POF1B: variants seen among roughly 807,000 people sequenced by gnomAD.
The protein encoded by POF1B is protein POF1B.
Under a neutral mutation model 55.3 loss-of-function variants are expected in POF1B, and 53 were observed. The ratio of observed to expected loss-of-function variants is 0.96; its 90% confidence interval spans 0.77 to 1.20. POF1B has a LOEUF of 1.20. Ranked by LOEUF, POF1B falls within the 50% of genes most tolerant of loss-of-function variation. The pLI is 0.00. For synonymous variants in POF1B, 188 were observed against 148.3 expected (o/e 1.27, Z -1.95); for missense variants, 478 against 420.5 (o/e 1.14, Z -1.20).
At chrX:85,372,790 T>TATATATATA (rs1221938023) in intron 2 of POF1B, among the ~76,000 whole-genome samples, 1 of 103,407 alleles carries the variant, frequency 9.7e-6, no homozygotes, top group African/African-American at 3.5e-5. Context: ...TATATATACT[T>TATATATATA]TAAGTTCTGG....
intron 12 of POF1B, 59 bp downstream of exon 12, chrX:85,306,122 C>A: frequency 9.4e-7 from 1 of 1,066,730 alleles, no homozygotes. Flanking sequence ...TTTCTAAATG[C>A]TAGGATTACA....
chrX:85,347,418 A>G (rs1933294748), intron 5 of POF1B, among the ~76,000 whole-genome samples: 2 of 111,230 alleles, frequency 1.8e-5, no homozygotes, highest in Admixed American at 9.6e-5. Flanking sequence ...TTCTGCTGTA[A>G]CATGTTTTAA....
chrX:85,340,507 A>G (rs1933151802), intron 6 of POF1B, among the ~76,000 whole-genome samples: 1 of 111,512 alleles, frequency 9.0e-6, no homozygotes, highest in Non-Finnish European at 1.9e-5. Context: ...CAGGTTAAAC[A>G]GTTTCAAGTG....
In POF1B at chrX:85,379,459, T is replaced by C. The variant is rs1465314309; in HGVS notation, c.-5A>G. 5.8e-6 allele frequency: 7 copies of C among 1,207,318 alleles called. No individual in the cohort carries two copies. The highest frequency in any genetic ancestry group is 7.8e-6 in the Non-Finnish European group (7 of 894,152). On this transcript the variant is annotated 5_prime_UTR_variant, in exon 2 of 17. Coordinates refer to ENST00000262753, the MANE Select transcript of POF1B (RefSeq NM_024921.4). ...ACTCCAATAGCTCGAGCTCATCTTC[T>C]TCCAGTGGTCAGCAAGGGACCTCCC...
In POF1B at chrX:85,314,518, A is replaced by G; in HGVS notation, c.883-12T>C. On this transcript the variant is annotated splice_polypyrimidine_tract_variant and intron_variant, in intron 8 of 16. Transcript: ENST00000262753. ...TCAATGTCTTCCGACTGTAAGAAAA[A>G]AAGGCTTATCCATGGAACAGATACA... 1 of 1,171,211 alleles carries G rather than the reference A, an allele frequency of 8.5e-7. No homozygotes were observed.
At chrX:85,332,627 C>T (rs1018648345) in intron 6 of POF1B, among the ~76,000 whole-genome samples, 2 of 110,968 alleles carry the variant, frequency 1.8e-5, no homozygotes, top group Non-Finnish European at 3.8e-5. Flanking sequence ...GAATTCAGAC[C>T]TTAAAAAACT....
chrX:85,336,150 C>G (rs1933070667), intron 6 of POF1B, among the ~76,000 whole-genome samples: 1 of 110,580 alleles, frequency 9.0e-6, no homozygotes, highest in South Asian at 3.8e-4. Flanking sequence ...CTATAATGTC[C>G]TCCTTTTCCA....
chrX:85,371,974 C>T (rs751284313), intron 2 of POF1B, among the ~76,000 whole-genome samples: 1 of 111,774 alleles, frequency 8.9e-6, no homozygotes, highest in African/African-American at 3.2e-5. Flanking sequence ...TTTGTTGAGT[C>T]GTTTATTCCT....
intron 14 of POF1B, among the ~76,000 whole-genome samples, chrX:85,304,019 C>G (rs1481841313): frequency 1.8e-5 from 2 of 111,084 alleles, no homozygotes; most frequent in Admixed American, 1.9e-4. Context: ...GAATATAACA[C>G]ATGCTTTAAT....
intron 2 of POF1B, among the ~76,000 whole-genome samples, chrX:85,372,773 C>CTATATATATATATATATATATATATATA (rs200507402): frequency 2.1e-5 from 2 of 96,747 alleles, no homozygotes; most frequent in African/African-American, 7.6e-5. Context: ...ATTATATATA[C>CTATATATATATATATATATATATATATA]TATATATATA....
At chrX:85,323,104 C>T (rs1932857088) in intron 7 of POF1B, among the ~76,000 whole-genome samples, 2 of 111,168 alleles carry the variant, frequency 1.8e-5, no homozygotes, top group Non-Finnish European at 3.8e-5. Context: ...GGTGTATACC[C>T]AAAGGACTAT....
intron 6 of POF1B, among the ~76,000 whole-genome samples, chrX:85,337,452 T>C (rs1933097012): frequency 8.9e-6 from 1 of 111,829 alleles, no homozygotes; most frequent in Admixed American, 9.5e-5. Context: ...TCACCTAATT[T>C]TTGGTTCTTA....
intron 7 of POF1B, among the ~76,000 whole-genome samples, chrX:85,327,992 T>C (rs191343184): frequency 7.7e-4 from 85 of 110,225 alleles, no homozygotes; most frequent in African/African-American, 2.6e-3. Context: ...TGGAAGAATA[T>C]GAAAAGTGGA....
intron 7 of POF1B, among the ~76,000 whole-genome samples, chrX:85,320,990 C>G (rs1202108668): frequency 1.8e-5 from 2 of 110,695 alleles, no homozygotes; most frequent in Non-Finnish European, 3.8e-5. Flanking sequence ...CAGATGGATT[C>G]ACAGCCGAAT....
chrX:85,379,145 T>A, intron 2 of POF1B, 28 bp downstream of exon 2: 1 of 1,193,454 alleles, frequency 8.4e-7, no homozygotes, highest in Non-Finnish European at 1.1e-6. Context: ...CTTTCTCCAC[T>A]AGTCTGGCAT....
chrX:85,374,991 G>T (rs192528337), intron 2 of POF1B, among the ~76,000 whole-genome samples: 206 of 111,689 alleles, frequency 1.8e-3, no homozygotes, highest in African/African-American at 6.4e-3. Context: ...ATGTATAATA[G>T]AACTACTTCC....
chrX:85,340,159 A>G (rs1354989987), intron 6 of POF1B, among the ~76,000 whole-genome samples: 1 of 111,104 alleles, frequency 9.0e-6, no homozygotes, highest in Non-Finnish European at 1.9e-5. Flanking sequence ...GAATCAATTA[A>G]AAAGGCTGTT....
At chrX:85,368,897 G>A (rs756939918) in intron 2 of POF1B, among the ~76,000 whole-genome samples, 50 of 111,087 alleles carry the variant, frequency 4.5e-4, no homozygotes, top group Non-Finnish European at 8.5e-4. Context: ...TTCCTACAAA[G>A]GTATAAATAT....
chrX:85,359,782 C>T (rs1462230760), intron 3 of POF1B, 152 bp from the exon 4 acceptor site: 1 of 421,870 alleles, frequency 2.4e-6, no homozygotes, highest in African/African-American at 2.5e-5. Flanking sequence ...ATTTTAATTT[C>T]AGAAACATGT....
Sources: gnomAD v4.1 joint callset for allele counts (sites outside exome capture counted in the v4.1 genomes callset) on GRCh38, gnomAD v4.1.1 for gene constraint, MANE v1.5 for transcripts, NCBI Gene and HGNC (gene_info 2026-07-23, HGNC 2026-07-21) for gene names.